ARL6IP5: variants seen among roughly 807,000 people sequenced by gnomAD.
ARL6IP5 encodes ARF like GTPase 6 interacting protein 5, also known as PRA1 family protein 3.
ARL6IP5 carries 6 observed loss-of-function variants against 13.0 expected under a neutral mutation model. The observed-to-expected ratio is 0.46, with a 90% confidence interval of 0.25 to 0.91. ARL6IP5 has a LOEUF of 0.91. Ranked by LOEUF, ARL6IP5 falls within the 40% of genes least tolerant of loss-of-function variation. The pLI is 0.17. For missense variants in ARL6IP5, 208 were observed against 248.8 expected (o/e 0.84, Z 1.10); for synonymous variants, 91 against 91.9 (o/e 0.99, Z 0.06).
In ARL6IP5 at chr3:69,093,015, T is replaced by C. The variant is rs547213586; in HGVS notation, c.176+7792T>C. On this transcript the variant is annotated intron_variant, in intron 1 of 2. Coordinates refer to ENST00000273258, the MANE Select transcript of ARL6IP5 (RefSeq NM_006407.4). The stretch of plus-strand genomic sequence containing the variant: ...TACCTATGTATATGTTAGTTTTCCA[T>C]AATGAAAAGTTAAAAAGGGTTTTAT... Among the ~76,000 whole-genome samples, 4 of 152,290 alleles carry C rather than the reference T, an allele frequency of 2.6e-5. No individual in the cohort carries two copies. In the East Asian group the frequency reaches 7.7e-4, roughly 29 times the overall value.
intron 1 of ARL6IP5, among the ~76,000 whole-genome samples, chr3:69,100,238 T>C (rs189332299): frequency 4.3e-4 from 66 of 152,342 alleles, no homozygotes; most frequent in African/African-American, 1.6e-3. Flanking sequence ...AAATTTCTTC[T>C]ACATAATGTG....
chr3:69,093,835 G>A (rs974392797), intron 1 of ARL6IP5, among the ~76,000 whole-genome samples: 4 of 152,078 alleles, frequency 2.6e-5, no homozygotes, highest in African/African-American at 4.8e-5. Context: ...CCTGTAGTCT[G>A]TAGTTTCAGC....
intron 1 of ARL6IP5, among the ~76,000 whole-genome samples, chr3:69,096,481 T>C (rs11128111): frequency 0.52 from 79,628 of 151,966 alleles, 21,003 homozygotes; most frequent in South Asian, 0.63. Flanking sequence ...TAGGAGCCCT[T>C]TGATGCTTTG....
chr3:69,088,422 G>C (rs1214697595), intron 1 of ARL6IP5, among the ~76,000 whole-genome samples: 1 of 152,188 alleles, frequency 6.6e-6, no homozygotes, highest in East Asian at 1.9e-4. Context: ...AGAGCCTCAA[G>C]GGCATTGTAG....
At chr3:69,096,718 CTCAGCCTCCCAAGTAGTTGGGATT>C (rs1157099959) in intron 1 of ARL6IP5, among the ~76,000 whole-genome samples, 1 of 150,824 alleles carries the variant, frequency 6.6e-6, no homozygotes, top group African/African-American at 2.4e-5. Context: ...ATTCTCCTGC[CTCAGCCTCCCAAGTAGTTGGGATT>C]ACAGGCACAT....
chr3:69,101,738 G>A (rs571558184), intron 1 of ARL6IP5, 101 bp from the exon 2 acceptor site: 1 of 939,858 alleles, frequency 1.1e-6, no homozygotes, highest in East Asian at 2.6e-5. Flanking sequence ...AAGTATTAAA[G>A]TATTAGTAAG....
intron 2 of ARL6IP5, among the ~76,000 whole-genome samples, chr3:69,102,664 T>C (rs887124950): frequency 1.3e-5 from 2 of 152,214 alleles, no homozygotes; most frequent in Non-Finnish European, 1.5e-5. Context: ...TCCAGATTTG[T>C]CTAATAAGAG....
chr3:69,091,486 G>A (rs987105451), intron 1 of ARL6IP5, among the ~76,000 whole-genome samples: 2 of 151,694 alleles, frequency 1.3e-5, no homozygotes, highest in Admixed American at 6.6e-5. Context: ...TTGTAGAGAA[G>A]GGTTTTTGCC....
At chr3:69,096,839 T>TG (rs1054769695) in intron 1 of ARL6IP5, among the ~76,000 whole-genome samples, 14 of 152,052 alleles carry the variant, frequency 9.2e-5, no homozygotes, top group Non-Finnish European at 1.3e-4. Flanking sequence ...CCTGACCTTG[T>TG]GATCCACCTG....
At chr3:69,089,637 TAAAAAAA>T (rs35599045) in intron 1 of ARL6IP5, among the ~76,000 whole-genome samples, 1 of 132,464 alleles carries the variant, frequency 7.5e-6, no homozygotes, top group Admixed American at 7.7e-5. Flanking sequence ...AAACCCTGTC[TAAAAAAA>T]AAAAAAAAAA....
At chr3:69,089,835 G>T (rs1302574256) in intron 1 of ARL6IP5, 1 of 456,572 alleles carries the variant, frequency 2.2e-6, no homozygotes, top group Admixed American at 2.3e-5. Context: ...GCTGCTGAAG[G>T]AATGAGCCCA....
Position 69,085,142 on chromosome 3 carries a change from G to A in ARL6IP5, c.95G>A (p.Trp32Ter). ...ARPDFRDISK[W>*]NNRVVSNLLY... ...CCGGACTTCAGGGACATTTCCAAAT[G>A]GAACAACCGCGTAGTGAGCAACCTG... is the stretch of plus-strand genomic sequence containing the variant. Residue 32 changes from tryptophan (W) to a stop codon, truncating the protein, a stop_gained, in exon 1 of 3, where the codon TGG becomes TAG. Coordinates refer to ENST00000273258, the MANE Select transcript of ARL6IP5 (RefSeq NM_006407.4). LOFTEE classifies it high-confidence loss of function. 6.2e-7 allele frequency: 1 copy of A among 1,614,220 alleles called. No homozygotes were observed. Among genetic ancestry groups the A allele is most frequent in the Non-Finnish European group, 8.5e-7 (1 of 1,180,038 alleles).
chr3:69,097,185 G>T (rs2092289984), intron 1 of ARL6IP5, among the ~76,000 whole-genome samples: 1 of 151,976 alleles, frequency 6.6e-6, no homozygotes. Flanking sequence ...AATTGAGACA[G>T]GATCTCACTC....
chr3:69,097,343 T>G (rs1193372426), intron 1 of ARL6IP5, among the ~76,000 whole-genome samples: 1 of 150,972 alleles, frequency 6.6e-6, no homozygotes, highest in Non-Finnish European at 1.5e-5. Flanking sequence ...TGGGGTGTTT[T>G]TTTTTTTTTT....
chr3:69,088,066 A>G (rs1475435832), intron 1 of ARL6IP5, among the ~76,000 whole-genome samples: 1 of 151,846 alleles, frequency 6.6e-6, no homozygotes, highest in Non-Finnish European at 1.5e-5. Context: ...CTTTTTTTTT[A>G]TCATTAAACC....
chr3:69,101,735 A>G, intron 1 of ARL6IP5, 104 bp from the exon 2 acceptor site: 1 of 916,014 alleles, frequency 1.1e-6, no homozygotes, highest in Non-Finnish European at 1.7e-6. Context: ...ATAAAGTATT[A>G]AAGTATTAGT....
Position 69,105,087 on chromosome 3 carries a change from A to G in ARL6IP5, c.*451A>G. 1 of 524,442 alleles carries G rather than the reference A, an allele frequency of 1.9e-6. No individual in the cohort carries two copies. 32.5% of individuals were successfully genotyped at this position (524,442 alleles called of 1,614,324 possible). A position where few individuals can be genotyped will look rare whatever the true frequency, so the allele number is the denominator to read the frequency against. ...CCCCTAGAATTGTAATGTGTGGGAT[A>G]TAAATTAGTTTTTATTATTCTCTTA... On this transcript the variant is annotated 3_prime_UTR_variant, in exon 3 of 3. Transcript: ENST00000273258.
rs534051134 is a variant in ARL6IP5, at chr3:69,092,584, C to T, written c.176+7361C>T. Among the ~76,000 whole-genome samples, 345 of 152,320 alleles carry T rather than the reference C, an allele frequency of 2.3e-3. 1 individual carries two copies. The highest frequency in any genetic ancestry group is 7.7e-3 in the African/African-American group (318 of 41,560). On this transcript the variant is annotated intron_variant, in intron 1 of 2. Coordinates refer to ENST00000273258, the MANE Select transcript of ARL6IP5 (RefSeq NM_006407.4). ...CTCCCAGGTTCAAGCGATTCTCCTG[C>T]CTTAGCCTCCAAGTAGCTGGGATTA...
Position 69,085,150 on chromosome 3 carries a change from C to T in ARL6IP5, c.103C>T (p.Arg35Cys). Residue 35 changes from arginine to cysteine, a missense_variant, in exon 1 of 3, where the codon CGC becomes TGC. By Grantham distance (180) the Arg-to-Cys change is radical. Transcript: ENST00000273258. ...DFRDISKWNN[R>C]VVSNLLYYQT... Reference sequence around the variant, plus strand: ...CAGGGACATTTCCAAATGGAACAACCGCGTAGTGAGCAACCTGCTCTATTA... The same window carrying T: ...CAGGGACATTTCCAAATGGAACAACTGCGTAGTGAGCAACCTGCTCTATTA... 1.2e-6 allele frequency: 2 copies of T among 1,614,208 alleles called. No individual in the cohort carries two copies. Among genetic ancestry groups the T allele is most frequent in the Non-Finnish European group, 8.5e-7 (1 of 1,180,034 alleles).
Sources: gnomAD v4.1 joint callset for allele counts (sites outside exome capture counted in the v4.1 genomes callset) on GRCh38, gnomAD v4.1.1 for gene constraint, MANE v1.5 for transcripts, NCBI Gene and HGNC (gene_info 2026-07-23, HGNC 2026-07-21) for gene names.